SLC4A8: variants seen among roughly 807,000 people sequenced by gnomAD.
SLC4A8 encodes the protein electroneutral sodium bicarbonate exchanger 1.
In SLC4A8, 40 loss-of-function variants were observed where a neutral mutation model predicts 125.0. The ratio of observed to expected loss-of-function variants is 0.32; its 90% CI spans 0.25 to 0.42. SLC4A8 has a LOEUF of 0.42. Among genes scored for constraint, SLC4A8 ranks in the 10% least tolerant of loss-of-function variants. SLC4A8 has a pLI of 1.00. For missense variants in SLC4A8, 863 were observed against 1,355.1 expected (o/e 0.64, Z 5.70); for synonymous variants, 456 against 476.0 (o/e 0.96, Z 0.55).
intron 1 of SLC4A8, among the ~76,000 whole-genome samples, chr12:51,416,060 A>G (rs1320229436): frequency 3.3e-5 from 5 of 151,340 alleles, no homozygotes; most frequent in African/African-American, 1.2e-4. Context: ...TCATTCTTTT[A>G]TCTTTCAAAC....
rs368349546 is a variant in SLC4A8 at position 51,432,234 on chromosome 12, C to T, written c.48+7199C>T. Among the ~76,000 whole-genome samples, 9 of 150,210 alleles carry T rather than the reference C, an allele frequency of 6.0e-5. No individual in the cohort carries two copies. In the South Asian group the frequency reaches 8.5e-4, roughly 14 times the overall value. ...CCATCCTGGCTAACAAGGTGAAACC[C>T]CATCTCTACTAAAAATACAAAAAAA... On this transcript the variant is annotated intron_variant, in intron 1 of 24. Coordinates refer to ENST00000453097, the MANE Select transcript of SLC4A8 (RefSeq NM_001039960.3).
At chr12:51,451,635 AC>A (rs1481940148) in intron 3 of SLC4A8, among the ~76,000 whole-genome samples, 1 of 152,152 alleles carries the variant, frequency 6.6e-6, no homozygotes, top group Non-Finnish European at 1.5e-5. Context: ...CTAAAGACAA[AC>A]TTTAGGTGTA....
At chr12:51,483,462 TTTC>T (rs1389311572) in intron 16 of SLC4A8, among the ~76,000 whole-genome samples, 1 of 151,298 alleles carries the variant, frequency 6.6e-6, no homozygotes, top group Non-Finnish European at 1.5e-5. Flanking sequence ...TTTTTCTTTT[TTTC>T]TTTTCTCTTT....
intron 19 of SLC4A8, among the ~76,000 whole-genome samples, chr12:51,492,333 G>A (rs920860097): frequency 1.3e-5 from 2 of 151,960 alleles, no homozygotes; most frequent in Non-Finnish European, 2.9e-5. Flanking sequence ...AGAACTGAGA[G>A]GGATGGGAAG....
chr12:51,474,209 CA>C, intron 14 of SLC4A8, 132 bp from the exon 15 acceptor site: 2 of 536,044 alleles, frequency 3.7e-6, no homozygotes, highest in South Asian at 3.3e-5. Context: ...AGAGGGGCCT[CA>C]GCTCCTCAGG....
At chr12:51,496,545 G>C (rs1951463737) in intron 21 of SLC4A8, among the ~76,000 whole-genome samples, 1 of 152,190 alleles carries the variant, frequency 6.6e-6, no homozygotes, top group Non-Finnish European at 1.5e-5. Context: ...CAAGGATTTG[G>C]GTAGGGGAAT....
chr12:51,459,474 G>T (rs550112585), intron 7 of SLC4A8, among the ~76,000 whole-genome samples: 2 of 151,780 alleles, frequency 1.3e-5, no homozygotes, highest in Admixed American at 1.3e-4. Context: ...TAAGTGGGAC[G>T]AATACAATCT....
At chr12:51,457,686 G>A (rs577124500) in intron 6 of SLC4A8, 147 bp downstream of exon 6, 3 of 706,512 alleles carry the variant, frequency 4.2e-6, no homozygotes, top group East Asian at 5.4e-5. Flanking sequence ...AGACTGGTAA[G>A]ATTGGTGGCT....
Position 51,513,181 on chromosome 12 carries a change from G to GA in SLC4A8, c.*5745dup, listed in dbSNP as rs2138482272. ...TTTTAGGGAAGGGTAGGTCTGGAGA[G>GA]AAGGTGAAGACCAGCAGAAATATAC... On this transcript the variant is annotated 3_prime_UTR_variant, in exon 25 of 25. Transcript: ENST00000453097. 1 of 152,358 alleles carries GA rather than the reference G, an allele frequency of 6.6e-6. No individual in the cohort carries two copies. The highest frequency in any genetic ancestry group is 1.9e-4 in the East Asian group (1 of 5,184). 9.4% of individuals were successfully genotyped at this position (152,358 alleles called of 1,614,324 possible).
intron 9 of SLC4A8, 102 bp from the exon 10 acceptor site, chr12:51,462,208 G>C: frequency 4.6e-6 from 5 of 1,083,148 alleles, no homozygotes; most frequent in Non-Finnish European, 7.1e-6. Flanking sequence ...CCGTGACAGA[G>C]ATAAAAATCA....
At chr12:51,400,724 CTTTATATATATATATATATATA>C (rs1948357026) in intron 1 of SLC4A8, among the ~76,000 whole-genome samples, 2 of 54,996 alleles carry the variant, frequency 3.6e-5, no homozygotes, top group African/African-American at 1.6e-4. Context: ...GAATGAACTC[CTTTATATATATATATATATATA>C]TATATATATA....
At chr12:51,464,190 G>A (rs556267684) in intron 11 of SLC4A8, among the ~76,000 whole-genome samples, 102 of 152,210 alleles carry the variant, frequency 6.7e-4, no homozygotes, top group Middle Eastern at 3.4e-3. Context: ...TTTCTGCTAG[G>A]CTGTTTATTC....
upstream of SLC4A8, among the ~76,000 whole-genome samples, chr12:51,423,628 A>G (rs961842235): frequency 1.3e-5 from 2 of 152,238 alleles, no homozygotes; most frequent in South Asian, 4.1e-4. Context: ...CATGTATCAG[A>G]CTACCTTCCC....
intron 22 of SLC4A8, among the ~76,000 whole-genome samples, chr12:51,498,879 CAAAAAA>C (rs1179044009): frequency 2.8e-5 from 1 of 35,902 alleles, no homozygotes; most frequent in Non-Finnish European, 4.4e-5. Context: ...GATCCTGTCT[CAAAAAA>C]AAAAAAAAAA....
chr12:51,425,200 G>T, intron 1 of SLC4A8, 165 bp downstream of exon 1: 1 of 1,419,928 alleles, frequency 7.0e-7, no homozygotes, highest in South Asian at 1.5e-5. Flanking sequence ...GGCGGTTGGG[G>T]ACCAGGCCAG....
At chr12:51,409,330 TTTCTC>T (rs1454868254) in intron 1 of SLC4A8, among the ~76,000 whole-genome samples, 2 of 152,228 alleles carry the variant, frequency 1.3e-5, no homozygotes, top group African/African-American at 4.8e-5. Context: ...TGCTAGATCT[TTTCTC>T]TTTGCTTGCT....
chr12:51,400,799 CACATAT>C (rs1289835147), intron 1 of SLC4A8, among the ~76,000 whole-genome samples: 2 of 89,300 alleles, frequency 2.2e-5, no homozygotes, highest in African/African-American at 5.3e-5. Flanking sequence ...CACACACACA[CACATAT>C]ATAAACATAT....
Position 51,461,279 on chromosome 12 carries a change from C to A in SLC4A8, c.1089C>A (p.Ile363=). 1 of 1,600,410 alleles carries A rather than the reference C, an allele frequency of 6.2e-7. No homozygotes were observed. The highest frequency in any genetic ancestry group is 8.6e-7 in the Non-Finnish European group (1 of 1,167,670). Residue 363 remains isoleucine, a synonymous_variant, in exon 9 of 25, where the codon ATC becomes ATA. Coordinates refer to ENST00000453097, the MANE Select transcript of SLC4A8 (RefSeq NM_001039960.3). ...YHEIGRSMAT[I]MTDEIFHDVA... ...AGATTGGCAGATCCATGGCCACCAT[C>A]ATGACAGATGAGGTATGTGCAACTT... is the stretch of plus-strand genomic sequence containing the variant.
In SLC4A8 at chr12:51,443,866, A is replaced by G. The variant is rs972674874; in HGVS notation, c.130+3077A>G. On this transcript the variant is annotated intron_variant, in intron 2 of 24. Coordinates refer to ENST00000453097, the MANE Select transcript of SLC4A8 (RefSeq NM_001039960.3). ...ACTGCATTGTACCTTAGTAGGCCCA[A>G]TCTCCATCTGCAGGGTACGTCAAAC... 3.3e-5 allele frequency among the ~76,000 whole-genome samples: 5 copies of G among 152,104 alleles called. No individual in the cohort carries two copies. In the East Asian group the frequency reaches 7.7e-4, roughly 23 times the overall value.
Sources: allele counts gnomAD v4.1 joint callset (sites outside exome capture counted in the v4.1 genomes callset), GRCh38; gene constraint gnomAD v4.1.1; transcripts MANE v1.5; gene names NCBI Gene and HGNC (gene_info 2026-07-23, HGNC 2026-07-21).